COMMD1: variants seen among roughly 807,000 people sequenced by gnomAD.
The protein encoded by COMMD1 is copper metabolism domain containing 1, also known as COMM domain-containing protein 1.
A neutral mutation model predicts 17.2 loss-of-function variants in COMMD1; 10 were observed. That is an observed-to-expected ratio of 0.58 (90% CI 0.36 to 0.99). COMMD1 has a LOEUF of 0.99. COMMD1 is among the 50% of genes least tolerant of loss of function. The pLI, the probability that COMMD1 is intolerant of heterozygous loss-of-function variation, is 0.01. For missense variants in COMMD1, 270 were observed against 231.8 expected, an observed-to-expected ratio of 1.17 and a Z score of -1.07; for synonymous variants, 97 against 91.6, an observed-to-expected ratio of 1.06 and a Z score of -0.34.
At chr2:62,011,516 A>G (rs1306556167) in intron 2 of COMMD1, among the ~76,000 whole-genome samples, 1 of 151,266 alleles carries the variant, frequency 6.6e-6, no homozygotes, top group African/African-American at 2.4e-5. Flanking sequence ...TTTTTTTTTA[A>G]TTGCTGCATC....
At chr2:62,085,706 G>C (rs946421835) in intron 2 of COMMD1, among the ~76,000 whole-genome samples, 2 of 151,864 alleles carry the variant, frequency 1.3e-5, no homozygotes, top group African/African-American at 4.8e-5. Flanking sequence ...GAGGCTGGGC[G>C]TGGTGGCTCA....
chr2:62,089,933 G>C (rs1340093848), intron 2 of COMMD1, among the ~76,000 whole-genome samples: 1 of 146,862 alleles, frequency 6.8e-6, no homozygotes, highest in Non-Finnish European at 1.5e-5. Flanking sequence ...ATTTGGCAAG[G>C]TCCCACAGCA....
chr2:62,027,014 TA>T (rs1183883656), intron 2 of COMMD1, among the ~76,000 whole-genome samples: 1 of 152,192 alleles, frequency 6.6e-6, no homozygotes, highest in Non-Finnish European at 1.5e-5. Flanking sequence ...CCTGGTTTTG[TA>T]TATACTTGAA....
At chr2:62,130,163 AAAAAAACAAAC>A (rs1573219659) in intron 2 of COMMD1, among the ~76,000 whole-genome samples, 3 of 151,576 alleles carry the variant, frequency 2.0e-5, no homozygotes, top group Non-Finnish European at 4.4e-5. Context: ...TCAAAAAAAA[AAAAAAACAAAC>A]AAAAAAACAA....
chr2:62,122,825 T>G (rs1672784824), intron 2 of COMMD1, among the ~76,000 whole-genome samples: 1 of 152,230 alleles, frequency 6.6e-6, no homozygotes, highest in Admixed American at 6.5e-5. Context: ...ACATTCCCAC[T>G]TTCTCTCTTC....
intron 1 of COMMD1, among the ~76,000 whole-genome samples, chr2:61,889,778 A>G (rs1431894852): frequency 1.3e-5 from 2 of 152,152 alleles, no homozygotes. Flanking sequence ...CGCTTGTTCT[A>G]CACTAGTGTC....
intron 1 of COMMD1, among the ~76,000 whole-genome samples, chr2:61,985,750 G>T (rs1418303827): frequency 6.6e-6 from 1 of 152,014 alleles, no homozygotes; most frequent in Admixed American, 6.6e-5. Context: ...CAAGCAAAAA[G>T]AAAACTAGTA....
chr2:61,953,745 C>G (rs180835875), intron 1 of COMMD1, among the ~76,000 whole-genome samples: 1 of 152,228 alleles, frequency 6.6e-6, no homozygotes, highest in African/African-American at 2.4e-5. Context: ...TAGGAAAATA[C>G]CACATATACA....
chr2:61,969,094 G>T, intron 1 of COMMD1: 1 of 412,830 alleles, frequency 2.4e-6, no homozygotes, highest in South Asian at 1.7e-5. Context: ...GAGCAGCTGG[G>T]ACTACAGGTG....
intron 1 of COMMD1, among the ~76,000 whole-genome samples, chr2:61,920,020 T>C (rs1460095206): frequency 6.6e-6 from 1 of 152,108 alleles, no homozygotes. Flanking sequence ...TCCCAGCTAC[T>C]CAGGAGGCAG....
chr2:61,968,006 C>A (rs1225319730), intron 1 of COMMD1, among the ~76,000 whole-genome samples: 1 of 151,994 alleles, frequency 6.6e-6, no homozygotes, highest in African/African-American at 2.4e-5. Context: ...ACTAAAAATA[C>A]AAAAATTAGC....
intron 2 of COMMD1, among the ~76,000 whole-genome samples, chr2:62,037,144 C>T (rs768393330): frequency 2.0e-5 from 3 of 152,170 alleles, no homozygotes; most frequent in African/African-American, 4.8e-5. Flanking sequence ...ATGCCTCTGT[C>T]GTAATGTTCC....
At chr2:61,988,497 T>G (rs111938576) in intron 1 of COMMD1, among the ~76,000 whole-genome samples, 55 of 152,288 alleles carry the variant, frequency 3.6e-4, no homozygotes, top group African/African-American at 1.2e-3. Context: ...TGACTCTCCT[T>G]GGTGCACTGT....
At chr2:62,052,021 GTC>G (rs995568079) in intron 2 of COMMD1, among the ~76,000 whole-genome samples, 7 of 152,230 alleles carry the variant, frequency 4.6e-5, no homozygotes, top group African/African-American at 1.7e-4. Context: ...CACTCTTTCA[GTC>G]TTCTTCAATG....
At chr2:62,012,607 C>T (rs372888405) in intron 2 of COMMD1, among the ~76,000 whole-genome samples, 33 of 152,164 alleles carry the variant, frequency 2.2e-4, no homozygotes, top group African/African-American at 3.9e-4. Flanking sequence ...AGTGAGCCAC[C>T]GCACCCGGCC....
intron 1 of COMMD1, among the ~76,000 whole-genome samples, chr2:61,941,888 T>A (rs1351312528): frequency 6.6e-6 from 1 of 152,208 alleles, no homozygotes; most frequent in Non-Finnish European, 1.5e-5. Flanking sequence ...TTATATCCTC[T>A]GATTTTAATA....
At chr2:61,908,315 C>T (rs1457974358) in intron 1 of COMMD1, among the ~76,000 whole-genome samples, 1 of 151,852 alleles carries the variant, frequency 6.6e-6, no homozygotes, top group Non-Finnish European at 1.5e-5. Context: ...CAACCTCCAC[C>T]TCCCGGGTTT....
At chr2:62,037,428 T>C (rs1486306111) in intron 2 of COMMD1, among the ~76,000 whole-genome samples, 4 of 152,208 alleles carry the variant, frequency 2.6e-5, no homozygotes, top group Non-Finnish European at 5.9e-5. Context: ...TATGTGGCCA[T>C]GATCTTTGGA....
intron 1 of COMMD1, among the ~76,000 whole-genome samples, chr2:61,945,619 G>C (rs576817560): frequency 4.6e-5 from 7 of 152,326 alleles, no homozygotes; most frequent in African/African-American, 1.7e-4. Context: ...ATGCAGCCAC[G>C]ACATAGCCTC....
Sources: allele counts gnomAD v4.1 joint callset (sites outside exome capture counted in the v4.1 genomes callset), GRCh38; gene constraint gnomAD v4.1.1; transcripts MANE v1.5; gene names NCBI Gene and HGNC (gene_info 2026-07-23, HGNC 2026-07-21).